Variants in ELOVL3 observed in about 807,000 individuals in gnomAD.
ELOVL3 encodes the protein ELOVL fatty acid elongase 3.
Under a neutral mutation model 14.9 loss-of-function variants are expected in ELOVL3, and 11 were observed. The ratio of observed to expected loss-of-function variants is 0.74; its 90% confidence interval spans 0.46 to 1.22. The LOEUF is 1.22. ELOVL3 is among the 50% of genes most tolerant of loss of function. ELOVL3 has a pLI of 0.00. For missense variants in ELOVL3, 277 were observed against 338.9 expected (o/e 0.82, Z 1.43); for synonymous variants, 117 against 124.7 (o/e 0.94, Z 0.41).
At position 102,226,498 on chromosome 10, in the gene ELOVL3, G is replaced by C. The variant is rs370934017; in HGVS notation, c.-51G>C. 4 of 1,358,480 alleles carry C rather than the reference G, an allele frequency of 2.9e-6. No individual in the cohort carries two copies. The highest frequency in any genetic ancestry group is 4.2e-6 in the Non-Finnish European group (4 of 949,718). The allele number at this position is 1,358,480 out of a possible 1,614,324, so 84.2% of individuals were successfully genotyped here. A position where few individuals can be genotyped will look rare whatever the true frequency, so the allele number is the denominator to read the frequency against. ...GGTTCACGCCATCCTCGGAGCCCCA[G>C]CCTTTCACCCAGCGCCTCCAAGCTT... On this transcript the variant is annotated 5_prime_UTR_variant, in exon 1 of 4. Coordinates refer to ENST00000370005, the MANE Select transcript of ELOVL3 (RefSeq NM_152310.3).
chr10:102,225,421 G>A (rs2070129066), upstream of ELOVL3, among the ~76,000 whole-genome samples: 1 of 151,962 alleles, frequency 6.6e-6, no homozygotes, highest in Admixed American at 6.5e-5. Flanking sequence ...AGCACTTTTT[G>A]CAAATTTCCA....
chr10:102,227,834 C>A (rs2070151384), intron 2 of ELOVL3, 77 bp downstream of exon 2: 3 of 1,531,978 alleles, frequency 2.0e-6, no homozygotes, highest in Non-Finnish European at 2.7e-6. Flanking sequence ...TTCCCGATTG[C>A]ATCAACCTCC....
upstream of ELOVL3, among the ~76,000 whole-genome samples, chr10:102,224,776 C>T (rs568649823): frequency 1.3e-4 from 20 of 150,072 alleles, no homozygotes; most frequent in South Asian, 4.2e-3. Context: ...CATTCTCCTG[C>T]CTCAGCCTCC....
chr10:102,228,729 T>C lies in ELOVL3; in HGVS notation c.386-96T>C, dbSNP rs1055158119. The C allele has an allele frequency of 4.2e-6, 6 of 1,444,710 alleles. No homozygotes were observed. The Admixed American group carries it at 7.6e-5, about 18-fold the overall frequency. 89.5% of individuals were successfully genotyped at this position (1,444,710 alleles called of 1,614,324 possible). A position where few individuals can be genotyped will look rare whatever the true frequency, so the allele number is the denominator to read the frequency against. On this transcript the variant is annotated intron_variant, in intron 3 of 3. Coordinates refer to ENST00000370005, the MANE Select transcript of ELOVL3 (RefSeq NM_152310.3). ...AGATTCTCTGCCACAAAGACCCCCT[T>C]CCCTCCCCTGAGAATTTCTCCCGTG...
At chr10:102,228,100 A>C (rs1023127812) in intron 2 of ELOVL3, among the ~76,000 whole-genome samples, 1 of 151,330 alleles carries the variant, frequency 6.6e-6, no homozygotes, top group Admixed American at 6.6e-5. Context: ...TTCTCCCCCA[A>C]ACTCCTTCAG....
intron 2 of ELOVL3, 128 bp downstream of exon 2, chr10:102,227,885 A>T (rs2070151874): frequency 9.3e-7 from 1 of 1,069,828 alleles, no homozygotes; most frequent in Non-Finnish European, 1.4e-6. Flanking sequence ...TCCCCATCTC[A>T]TTCTCGGCTT....
Position 102,229,098 on chromosome 10 carries a change from C to G in ELOVL3, c.659C>G (p.Thr220Arg), listed in dbSNP as rs778051432. 1.2e-6 allele frequency: 2 copies of G among 1,614,192 alleles called. No homozygotes were observed. Among genetic ancestry groups the G allele is most frequent in the Non-Finnish European group, 1.7e-6 (2 of 1,180,030 alleles). Residue 220 changes from threonine to arginine, a missense_variant, in exon 4 of 4, where the codon ACG (threonine) becomes AGG (arginine). Thr to Arg is a moderately conservative substitution (Grantham distance 71). Transcript: ENST00000370005. The stretch of plus-strand genomic sequence containing the variant: ...GTAGGAGCCATCGTCAGCATCCTCA[C>G]GTACATCTGGAGGCAGGATCAGGGA... ...MFVGAIVSILTYIWRQDQGCH... is the reference protein window; with the variant it reads ...MFVGAIVSILRYIWRQDQGCH...
rs781359996 is a variant in ELOVL3, at chr10:102,229,104, T to A, written c.665T>A (p.Ile222Asn). ...VGAIVSILTYIWRQDQGCHTT... is the reference protein window; with the variant it reads ...VGAIVSILTYNWRQDQGCHTT... Reference sequence around the variant, plus strand: ...GCCATCGTCAGCATCCTCACGTACATCTGGAGGCAGGATCAGGGATGCCAC... The same window carrying A: ...GCCATCGTCAGCATCCTCACGTACAACTGGAGGCAGGATCAGGGATGCCAC... Residue 222 changes from isoleucine to asparagine, a missense_variant, in exon 4 of 4, where the codon ATC (isoleucine) becomes AAC (asparagine). Coordinates refer to ENST00000370005, the MANE Select transcript of ELOVL3 (RefSeq NM_152310.3). 1 of 1,614,004 alleles carries A rather than the reference T, an allele frequency of 6.2e-7. No individual in the cohort carries two copies. Among genetic ancestry groups the A allele is most frequent in the African/African-American group, 1.3e-5 (1 of 74,900 alleles).
rs894592290 is a variant in ELOVL3, at chr10:102,226,427, T to G, written c.-122T>G. ...CCTAGGTTCGACGCCCTCCTCCCTT[T>G]GCCCAGGAGTTCCTTCTGTCCCGGC... is the stretch of plus-strand genomic sequence containing the variant. On this transcript the variant is annotated 5_prime_UTR_variant, in exon 1 of 4. Coordinates refer to ENST00000370005, the MANE Select transcript of ELOVL3 (RefSeq NM_152310.3). 1.3e-4 allele frequency: 85 copies of G among 656,094 alleles called. No individual in the cohort carries two copies. The highest frequency in any genetic ancestry group is 2.1e-4 in the Non-Finnish European group (78 of 379,938). The allele number at this position is 656,094 out of a possible 1,614,324, so 40.6% of individuals were successfully genotyped here.
At chr10:102,226,695 G>C in intron 1 of ELOVL3, 46 bp downstream of exon 1, 4 of 1,345,196 alleles carry the variant, frequency 3.0e-6, no homozygotes, top group Non-Finnish European at 4.3e-6. Context: ...CCCCGGGGCC[G>C]GGGCGCGAGG....
chr10:102,227,150 G>A (rs1241022569), intron 1 of ELOVL3, among the ~76,000 whole-genome samples: 1 of 152,186 alleles, frequency 6.6e-6, no homozygotes, highest in Non-Finnish European at 1.5e-5. Context: ...CTCCCCAGAG[G>A]TTTTGGAGGC....
Position 102,226,498 on chromosome 10 carries a change from G to T in ELOVL3, c.-51G>T. The T allele has an allele frequency of 1.5e-6, 2 of 1,358,598 alleles. No individual in the cohort carries two copies. Among genetic ancestry groups the T allele is most frequent in the Non-Finnish European group, 1.1e-6 (1 of 949,710 alleles). The allele number at this position is 1,358,598 out of a possible 1,614,324, so 84.2% of individuals were successfully genotyped here. On this transcript the variant is annotated 5_prime_UTR_variant, in exon 1 of 4. Transcript: ENST00000370005. ...GGTTCACGCCATCCTCGGAGCCCCA[G>T]CCTTTCACCCAGCGCCTCCAAGCTT...
chr10:102,226,738 ACAGAG>A (rs1446883625), intron 1 of ELOVL3, 89 bp downstream of exon 1: 1 of 907,296 alleles, frequency 1.1e-6, no homozygotes, highest in African/African-American at 1.7e-5. Context: ...TGATTTTCTT[ACAGAG>A]CAGAGTTATG....
chr10:102,224,952 C>G (rs978690815), upstream of ELOVL3, among the ~76,000 whole-genome samples: 1 of 152,040 alleles, frequency 6.6e-6, no homozygotes. Flanking sequence ...CGTGAACCAC[C>G]GTGCCCGGCC....
In ELOVL3 at chr10:102,229,087, C is replaced by T. The variant is rs908049441; in HGVS notation, c.648C>T (p.Val216=). 6.2e-7 allele frequency: 1 copy of T among 1,614,202 alleles called. No homozygotes were observed. The highest frequency in any genetic ancestry group is 8.5e-7 in the Non-Finnish European group (1 of 1,180,030). The change falls in exon 4 of 4, where the codon GTC becomes GTT. Residue 216 remains valine (V), a synonymous_variant. Coordinates refer to ENST00000370005, the MANE Select transcript of ELOVL3 (RefSeq NM_152310.3). ...TGCAGATGTTTGTAGGAGCCATCGTCAGCATCCTCACGTACATCTGGAGGC... is the reference window on the plus strand; with the variant it reads ...TGCAGATGTTTGTAGGAGCCATCGTTAGCATCCTCACGTACATCTGGAGGC... ...QILQMFVGAI[V]SILTYIWRQD...
upstream of ELOVL3, among the ~76,000 whole-genome samples, chr10:102,225,727 G>A (rs1175234089): frequency 6.6e-6 from 1 of 152,122 alleles, no homozygotes; most frequent in Non-Finnish European, 1.5e-5. Context: ...GGTTATTACT[G>A]TCAGTCTGGA....
In ELOVL3 at chr10:102,226,608, C is replaced by A. The variant is rs775956898; in HGVS notation, c.60C>A (p.Phe20Leu). ...ATCAGCTGTTCCAGCCCTATAACTT[C>A]GAGCTGTCCAAGGACATGAGGCCCT... ...EVNQLFQPYN[F>L]ELSKDMRPFF... Residue 20 changes from phenylalanine (F) to leucine (L), a missense_variant, in exon 1 of 4, where the codon TTC becomes TTA. Physicochemically the swap from Phe to Leu is conservative, Grantham distance 22. Coordinates refer to ENST00000370005, the MANE Select transcript of ELOVL3 (RefSeq NM_152310.3). 2.5e-6 allele frequency: 4 copies of A among 1,614,046 alleles called. No individual in the cohort carries two copies. The highest frequency in any genetic ancestry group is 1.7e-5 in the Admixed American group (1 of 60,022).
upstream of ELOVL3, among the ~76,000 whole-genome samples, chr10:102,225,019 G>T (rs773933930): frequency 1.6e-4 from 24 of 152,182 alleles, no homozygotes; most frequent in Non-Finnish European, 3.1e-4. Flanking sequence ...TGAGCAAACA[G>T]AAAGTAGTGG....
chr10:102,226,483 A>G lies in ELOVL3; in HGVS notation c.-66A>G. The G allele has an allele frequency of 2.5e-6, 3 of 1,176,492 alleles. No homozygotes were observed. The highest frequency in any genetic ancestry group is 3.8e-6 in the Non-Finnish European group (3 of 788,582). 72.9% of individuals were successfully genotyped at this position (1,176,492 alleles called of 1,614,324 possible). ...TCCGTCTCGCCCCGAGGTTCACGCC[A>G]TCCTCGGAGCCCCAGCCTTTCACCC... On this transcript the variant is annotated 5_prime_UTR_variant, in exon 1 of 4. Transcript: ENST00000370005.
Sources: allele counts gnomAD v4.1 joint callset (sites outside exome capture counted in the v4.1 genomes callset), GRCh38; gene constraint gnomAD v4.1.1; transcripts MANE v1.5; gene names NCBI Gene and HGNC (gene_info 2026-07-23, HGNC 2026-07-21).